DSCAM: variants seen among roughly 807,000 people sequenced by gnomAD.
DSCAM encodes the protein DS cell adhesion molecule, also known as cell adhesion molecule DSCAM.
A neutral mutation model predicts 217.7 loss-of-function variants in DSCAM; 47 were observed. The ratio of observed to expected loss-of-function variants is 0.22; its 90% CI spans 0.17 to 0.28. DSCAM has a LOEUF of 0.28. Ranked by LOEUF, DSCAM falls within the 10% of genes least tolerant of loss-of-function variation. The probability of loss-of-function intolerance (pLI) is 1.00; values close to 1 mark genes in which losing one functional copy is unlikely to be tolerated. For missense variants in DSCAM, 2,080 were observed against 2,618.3 expected, an observed-to-expected ratio of 0.79 and a Z score of 4.49; for synonymous variants, 1,056 against 1,015.3, an observed-to-expected ratio of 1.04 and a Z score of -0.76.
chr21:40,212,636 C>T (rs117410544), intron 11 of DSCAM, among the ~76,000 whole-genome samples: 3,681 of 152,124 alleles, frequency 0.024, 71 homozygotes, highest in African/African-American at 0.032. Context: ...GGCAATAAAG[C>T]AGGTTTTTTA....
At chr21:40,679,168 A>AC (rs1197131403) in intron 3 of DSCAM, among the ~76,000 whole-genome samples, 2 of 152,208 alleles carry the variant, frequency 1.3e-5, no homozygotes, top group African/African-American at 4.8e-5. Context: ...AGAAAAAAAT[A>AC]TAGAAAAGCA....
chr21:40,502,627 T>C (rs533325754), intron 3 of DSCAM, among the ~76,000 whole-genome samples: 16 of 152,294 alleles, frequency 1.1e-4, no homozygotes, highest in South Asian at 1.0e-3. Context: ...GAGTTTCCCA[T>C]TGCATCACTC....
intron 3 of DSCAM, among the ~76,000 whole-genome samples, chr21:40,540,545 T>C (rs1568890063): frequency 1.3e-5 from 2 of 152,192 alleles, no homozygotes; most frequent in Non-Finnish European, 2.9e-5. Flanking sequence ...TTCTTCCACA[T>C]TGTAGGAAGC....
At chr21:40,266,972 C>G (rs1157765659) in intron 11 of DSCAM, among the ~76,000 whole-genome samples, 1 of 128,072 alleles carries the variant, frequency 7.8e-6, no homozygotes, top group Admixed American at 9.3e-5. Flanking sequence ...AGGAGCTAAG[C>G]TTTGGGCACA....
chr21:40,606,894 A>G (rs1287340335), intron 3 of DSCAM, among the ~76,000 whole-genome samples: 1 of 152,128 alleles, frequency 6.6e-6, no homozygotes, highest in East Asian at 1.9e-4. Flanking sequence ...GTCTCACAAG[A>G]TCTTATGGTT....
chr21:40,387,176 AG>A (rs546027179), intron 3 of DSCAM, among the ~76,000 whole-genome samples: 1 of 152,130 alleles, frequency 6.6e-6, no homozygotes, highest in Non-Finnish European at 1.5e-5. Context: ...ATAAAGGAAG[AG>A]GGGGGGTGAA....
intron 1 of DSCAM, among the ~76,000 whole-genome samples, chr21:40,831,318 C>T (rs1197269437): frequency 6.8e-6 from 1 of 146,678 alleles, no homozygotes; most frequent in Non-Finnish European, 1.5e-5. Context: ...CACACACACA[C>T]AGGCACACAC....
intron 1 of DSCAM, among the ~76,000 whole-genome samples, chr21:40,771,681 A>T (rs2091446496): frequency 6.6e-6 from 1 of 152,232 alleles, no homozygotes; most frequent in African/African-American, 2.4e-5. Flanking sequence ...GTATGAAGAT[A>T]TAGTGGGGAA....
At chr21:40,549,702 C>T (rs56350618) in intron 3 of DSCAM, among the ~76,000 whole-genome samples, 3,932 of 152,336 alleles carry the variant, frequency 0.026, 89 homozygotes, top group Non-Finnish European at 0.046. Context: ...TCAGCTCACT[C>T]ACCTTCATAT....
At chr21:40,201,461 G>A (rs2091068960) in intron 11 of DSCAM, among the ~76,000 whole-genome samples, 1 of 151,456 alleles carries the variant, frequency 6.6e-6, no homozygotes, top group Non-Finnish European at 1.5e-5. Context: ...TTATTTATTA[G>A]ACGGAGTTTC....
chr21:40,502,403 T>C (rs532815192), intron 3 of DSCAM, among the ~76,000 whole-genome samples: 114 of 152,272 alleles, frequency 7.5e-4, no homozygotes, highest in African/African-American at 2.4e-3. Context: ...ACAAACTTGA[T>C]GACATAAAAG....
chr21:40,184,990 A>G (rs1395257754), intron 14 of DSCAM, among the ~76,000 whole-genome samples: 4 of 152,048 alleles, frequency 2.6e-5, no homozygotes, highest in African/African-American at 9.7e-5. Flanking sequence ...GAGTTCACCA[A>G]TTTCCATTGA....
At chr21:40,599,691 T>C (rs1265553263) in intron 3 of DSCAM, among the ~76,000 whole-genome samples, 1 of 151,936 alleles carries the variant, frequency 6.6e-6, no homozygotes, top group Non-Finnish European at 1.5e-5. Flanking sequence ...TTGAAAATGT[T>C]AACAAAATAG....
intron 1 of DSCAM, among the ~76,000 whole-genome samples, chr21:40,772,764 TACTC>T (rs1031384974): frequency 6.6e-5 from 10 of 152,218 alleles, no homozygotes; most frequent in African/African-American, 4.8e-5. Flanking sequence ...TTGTGGGTGT[TACTC>T]ACGCAAATCA....
At chr21:40,204,370 C>T (rs1371059583) in intron 11 of DSCAM, among the ~76,000 whole-genome samples, 1 of 152,198 alleles carries the variant, frequency 6.6e-6, no homozygotes, top group Non-Finnish European at 1.5e-5. Flanking sequence ...AGGGCAATGG[C>T]TCCTAAAGAC....
At chr21:40,675,963 C>T (rs73905053) in intron 3 of DSCAM, among the ~76,000 whole-genome samples, 7,218 of 152,206 alleles carry the variant, frequency 0.047, 424 homozygotes, top group African/African-American at 0.15. Flanking sequence ...AAAGCAGCAT[C>T]GTCTTAGATC....
chr21:40,240,360 T>G (rs1367348381), intron 11 of DSCAM, among the ~76,000 whole-genome samples: 1 of 148,388 alleles, frequency 6.7e-6, no homozygotes, highest in Non-Finnish European at 1.5e-5. Flanking sequence ...TTTTTTTTTT[T>G]TTTTTTTTTT....
chr21:40,426,193 C>G (rs1030249441), intron 3 of DSCAM, among the ~76,000 whole-genome samples: 1 of 152,212 alleles, frequency 6.6e-6, no homozygotes, highest in African/African-American at 2.4e-5. Flanking sequence ...CTGGGGCTAG[C>G]TAAGCAGGAG....
chr21:40,584,378 T>C (rs939422765), intron 3 of DSCAM, among the ~76,000 whole-genome samples: 5 of 152,196 alleles, frequency 3.3e-5, no homozygotes, highest in African/African-American at 1.2e-4. Flanking sequence ...TATCTCAAGA[T>C]GTGAAGCTGG....
Sources: gnomAD v4.1 joint callset for allele counts (sites outside exome capture counted in the v4.1 genomes callset) on GRCh38, gnomAD v4.1.1 for gene constraint, MANE v1.5 for transcripts, NCBI Gene and HGNC (gene_info 2026-07-23, HGNC 2026-07-21) for gene names.